Variants in FAM184A observed in about 807,000 individuals in gnomAD.
FAM184A encodes the protein family with sequence similarity 184 member A.
In FAM184A, 99 loss-of-function variants were observed where a neutral mutation model predicts 143.8. That is an observed-to-expected ratio of 0.69 (90% CI 0.58 to 0.81). The LOEUF (loss-of-function observed/expected upper bound fraction) is 0.81. Among genes scored for constraint, FAM184A ranks in the 40% least tolerant of loss-of-function variants. The probability of loss-of-function intolerance (pLI) is 0.00; values close to 1 mark genes in which losing one functional copy is unlikely to be tolerated. For synonymous variants in FAM184A, 427 were observed against 446.4 expected, an observed-to-expected ratio of 0.96 and a Z score of 0.55; for missense variants, 1,217 against 1,310.5, an observed-to-expected ratio of 0.93 and a Z score of 1.10.
Position 119,121,416 on chromosome 6 carries a change from C to T in FAM184A, c.-202+27662G>A, listed in dbSNP as rs547238284. On this transcript the variant is annotated intron_variant, in intron 1 of 16. Transcript: ENST00000352896. ...CCTCCCAAATTGTTGGGATTATAGG[C>T]GTGAGCCACCGTGCCTGGCCTTTTA... 1.3e-4 allele frequency among the ~76,000 whole-genome samples: 20 copies of T among 152,134 alleles called. No individual in the cohort carries two copies. In the South Asian group the frequency reaches 4.2e-3, roughly 32 times the overall value.
At chr6:119,130,358 A>T (rs572206662) in intron 1 of FAM184A, among the ~76,000 whole-genome samples, 1 of 152,358 alleles carries the variant, frequency 6.6e-6, no homozygotes, top group East Asian at 1.9e-4. Context: ...GACTCAGGGA[A>T]TAGAAATAAA....
rs572642842 is a variant in FAM184A at position 118,977,266 on chromosome 6, A to C, written c.2456-1222T>G. 9.9e-5 allele frequency among the ~76,000 whole-genome samples: 15 copies of C among 152,274 alleles called. No homozygotes were observed. In the East Asian group the frequency reaches 2.9e-3, roughly 29 times the overall value. On this transcript the variant is annotated intron_variant, in intron 11 of 17. Transcript: ENST00000338891. ...TAGATGACTTCAGATAATTATGCCG[A>C]GTGAAAAAAGGCCAACCTCTACATG... is the stretch of plus-strand genomic sequence containing the variant.
intron 9 of FAM184A, among the ~76,000 whole-genome samples, chr6:118,998,679 G>A (rs1784648419): frequency 2.0e-5 from 3 of 151,974 alleles, no homozygotes; most frequent in Admixed American, 1.3e-4. Flanking sequence ...CCATGTGGAG[G>A]GACTGGTAGG....
intron 1 of FAM184A, among the ~76,000 whole-genome samples, chr6:119,061,653 A>T (rs1261104026): frequency 7.0e-6 from 1 of 142,088 alleles, no homozygotes; most frequent in East Asian, 2.0e-4. Context: ...CACCTAAACT[A>T]CTTTTCAACT....
At chr6:119,036,296 A>AG (rs1192787918) in intron 1 of FAM184A, among the ~76,000 whole-genome samples, 1 of 152,120 alleles carries the variant, frequency 6.6e-6, no homozygotes, top group African/African-American at 2.4e-5. Flanking sequence ...AATGTCAGCA[A>AG]CAGATGTGTG....
At chr6:119,054,443 C>T (rs952798745) in intron 1 of FAM184A, among the ~76,000 whole-genome samples, 1 of 152,168 alleles carries the variant, frequency 6.6e-6, no homozygotes, top group African/African-American at 2.4e-5. Flanking sequence ...TATGTGTTCT[C>T]ACATGGCAGA....
intron 1 of FAM184A, among the ~76,000 whole-genome samples, chr6:119,122,716 G>A (rs954660037): frequency 6.6e-6 from 1 of 151,718 alleles, no homozygotes; most frequent in Non-Finnish European, 1.5e-5. Flanking sequence ...GAGTTCAGGA[G>A]TTCAACACCG....
At chr6:119,140,552 G>A (rs118039234) in intron 1 of FAM184A, among the ~76,000 whole-genome samples, 1 of 152,230 alleles carries the variant, frequency 6.6e-6, no homozygotes, top group East Asian at 1.9e-4. Context: ...CATGCTCTCC[G>A]CTTTCTTTCA....
chr6:119,018,751 G>A (rs573507784), intron 4 of FAM184A, among the ~76,000 whole-genome samples: 6 of 151,998 alleles, frequency 3.9e-5, no homozygotes, highest in Non-Finnish European at 8.8e-5. Context: ...CCTAAACCTC[G>A]GATCTATAAA....
intron 1 of FAM184A, among the ~76,000 whole-genome samples, chr6:119,120,965 A>C (rs1262300536): frequency 6.7e-6 from 1 of 148,248 alleles, no homozygotes; most frequent in Non-Finnish European, 1.5e-5. Flanking sequence ...GTACCACTGC[A>C]TCTGAAAAAC....
rs377356576 is a variant in FAM184A at position 119,088,419 on chromosome 6, C to T, written c.-202+60659G>A. 5.9e-5 allele frequency among the ~76,000 whole-genome samples: 9 copies of T among 152,244 alleles called. No individual in the cohort carries two copies. In the East Asian group the frequency reaches 1.5e-3, roughly 26 times the overall value. On this transcript the variant is annotated intron_variant, in intron 1 of 16. Transcript: ENST00000352896. Reference sequence around the variant, plus strand: ...GAAATAGACATTTCCTATCCAAGGTCATGGTTAGCTAAAGAGGACGTCTAA... The same window carrying T: ...GAAATAGACATTTCCTATCCAAGGTTATGGTTAGCTAAAGAGGACGTCTAA...
At chr6:119,126,269 A>G (rs949688168) in intron 1 of FAM184A, among the ~76,000 whole-genome samples, 1 of 152,208 alleles carries the variant, frequency 6.6e-6, no homozygotes, top group Non-Finnish European at 1.5e-5. Flanking sequence ...TCTCCTTTGC[A>G]TGAAATCTCC....
At chr6:119,010,374 T>C (rs572461834) in intron 6 of FAM184A, among the ~76,000 whole-genome samples, 2 of 152,356 alleles carry the variant, frequency 1.3e-5, no homozygotes, top group South Asian at 4.1e-4. Flanking sequence ...TGCTTATTTC[T>C]TTATCGTTAT....
At chr6:119,130,542 G>T (rs115420475) in intron 1 of FAM184A, among the ~76,000 whole-genome samples, 2 of 152,142 alleles carry the variant, frequency 1.3e-5, no homozygotes, top group Non-Finnish European at 2.9e-5. Context: ...AGTATAAAAT[G>T]AAGATACTCA....
chr6:118,993,946 G>A (rs1373389040), intron 9 of FAM184A, among the ~76,000 whole-genome samples: 1 of 152,134 alleles, frequency 6.6e-6, no homozygotes, highest in Non-Finnish European at 1.5e-5. Context: ...AAGGCCTGGC[G>A]TGATCTGATC....
intron 11 of FAM184A, among the ~76,000 whole-genome samples, chr6:118,978,114 C>T: frequency 6.6e-6 from 1 of 152,160 alleles, no homozygotes; most frequent in Non-Finnish European, 1.5e-5. Flanking sequence ...CAGGCATGCG[C>T]CACCACGCCT....
intron 9 of FAM184A, among the ~76,000 whole-genome samples, chr6:118,997,836 A>G (rs964560973): frequency 2.6e-5 from 4 of 152,206 alleles, no homozygotes; most frequent in Admixed American, 6.5e-5. Context: ...TACAATTTAA[A>G]GTTTTTCAGT....
intron 1 of FAM184A, among the ~76,000 whole-genome samples, chr6:119,050,765 A>G (rs1229475373): frequency 6.6e-6 from 1 of 151,802 alleles, no homozygotes; most frequent in Non-Finnish European, 1.5e-5. Flanking sequence ...AGATTGCGCC[A>G]CTGCAGTCCG....
chr6:119,102,503 A>G (rs567215967), intron 1 of FAM184A, among the ~76,000 whole-genome samples: 4 of 152,086 alleles, frequency 2.6e-5, no homozygotes, highest in South Asian at 4.2e-4. Context: ...AAATATCACT[A>G]TAGGCTGGGC....
Sources: allele counts gnomAD v4.1 joint callset (sites outside exome capture counted in the v4.1 genomes callset), GRCh38; gene constraint gnomAD v4.1.1; transcripts MANE v1.5; gene names NCBI Gene and HGNC (gene_info 2026-07-23, HGNC 2026-07-21).